TPCN1: variants seen among roughly 807,000 people sequenced by gnomAD.
The protein encoded by TPCN1 is two pore channel protein 1.
TPCN1 carries 52 observed loss-of-function variants against 108.8 expected under a neutral mutation model. The ratio of observed to expected loss-of-function variants is 0.48; its 90% CI spans 0.38 to 0.60. The LOEUF is 0.60. Among genes scored for constraint, TPCN1 ranks in the 20% least tolerant of loss-of-function variants. TPCN1 has a pLI of 0.00. For missense variants in TPCN1, 806 were observed against 1,072.8 expected (o/e 0.75, Z 3.47); for synonymous variants, 446 against 433.7 (o/e 1.03, Z -0.35).
chr12:113,285,487 C>T (rs1211883482), intron 17 of TPCN1, among the ~76,000 whole-genome samples: 1 of 152,184 alleles, frequency 6.6e-6, no homozygotes, highest in Admixed American at 6.5e-5. Context: ...CCCGAGTAGC[C>T]TCAGCCTCCC....
chr12:113,239,250 G>C (rs1175510642), intron 2 of TPCN1, among the ~76,000 whole-genome samples: 3 of 152,206 alleles, frequency 2.0e-5, no homozygotes, highest in African/African-American at 7.2e-5. Context: ...GCATCAAGCA[G>C]GGTTTTGTGA....
At chr12:113,293,465 C>T in intron 27 of TPCN1, 116 bp downstream of exon 27, 1 of 1,006,296 alleles carries the variant, frequency 9.9e-7, no homozygotes, top group Non-Finnish European at 1.6e-6. Context: ...GAGATGCAGA[C>T]CGTCCATCGG....
intron 2 of TPCN1, among the ~76,000 whole-genome samples, chr12:113,230,171 C>G (rs1953632720): frequency 6.6e-6 from 1 of 152,096 alleles, no homozygotes; most frequent in South Asian, 2.1e-4. Context: ...TTACTCACTA[C>G]CCTTTTCTGC....
chr12:113,249,504 C>T (rs1363177351), intron 2 of TPCN1: 1 of 152,224 alleles, frequency 6.6e-6, no homozygotes, highest in African/African-American at 2.4e-5. Flanking sequence ...CCTCAGTTTC[C>T]CCATCTCTAA....
intron 10 of TPCN1, among the ~76,000 whole-genome samples, chr12:113,275,374 A>G (rs1955636592): frequency 2.0e-5 from 3 of 151,594 alleles, no homozygotes; most frequent in South Asian, 4.2e-4. Context: ...AGTAGCTGGG[A>G]CTACAGGCAC....
At chr12:113,223,034 A>G (rs1168967009) in intron 1 of TPCN1, among the ~76,000 whole-genome samples, 4 of 152,212 alleles carry the variant, frequency 2.6e-5, no homozygotes, top group African/African-American at 9.7e-5. Flanking sequence ...CGACAATACA[A>G]CCATAATTCT....
At chr12:113,280,235 T>A in intron 15 of TPCN1, 40 bp downstream of exon 15, 1 of 1,559,844 alleles carries the variant, frequency 6.4e-7, no homozygotes, top group Non-Finnish European at 8.8e-7. Context: ...ACTTTCCCCC[T>A]GAGTCCTTTG....
At chr12:113,287,212 A>G (rs1956113058) in intron 19 of TPCN1, 118 bp downstream of exon 19, 1 of 812,082 alleles carries the variant, frequency 1.2e-6, no homozygotes. Context: ...AGAGTCACAG[A>G]TGTCACCCCC....
intron 2 of TPCN1, chr12:113,244,139 C>T: frequency 9.1e-6 from 2 of 220,930 alleles, no homozygotes; most frequent in Non-Finnish European, 1.5e-5. Context: ...AGGTCCCTTT[C>T]AGGTGGCCGG....
At chr12:113,247,600 C>T (rs917807550) in intron 2 of TPCN1, among the ~76,000 whole-genome samples, 1 of 152,228 alleles carries the variant, frequency 6.6e-6, no homozygotes, top group African/African-American at 2.4e-5. Context: ...CAGCCCCACC[C>T]GGCCCCTGCC....
intron 2 of TPCN1, among the ~76,000 whole-genome samples, chr12:113,248,571 G>C (rs750441426): frequency 5.9e-5 from 9 of 152,354 alleles, no homozygotes; most frequent in Admixed American, 2.6e-4. Context: ...GTGTGACAAA[G>C]CAGCCAAAGA....
rs534531325 is a variant in TPCN1 at position 113,251,268 on chromosome 12, T to C, written c.113-9100T>C. Among the ~76,000 whole-genome samples, 104 of 152,314 alleles carry C rather than the reference T, an allele frequency of 6.8e-4. 1 individual carries two copies. The highest frequency in any genetic ancestry group is 1.3e-3 in the Non-Finnish European group (91 of 68,022). On this transcript the variant is annotated intron_variant, in intron 2 of 27. Coordinates refer to ENST00000335509, the MANE Select transcript of TPCN1 (RefSeq NM_017901.6). ...GTGAGCCATGATAGTGCCACTGCAC[T>C]ACAGCCTGGGCTCAATAAAAAGAAT...
chr12:113,238,622 G>C (rs1395435804), intron 2 of TPCN1, among the ~76,000 whole-genome samples: 1 of 152,190 alleles, frequency 6.6e-6, no homozygotes, highest in Non-Finnish European at 1.5e-5. Context: ...TGAAGGCCTT[G>C]AGAGCCTTCC....
chr12:113,228,020 T>C (rs1351446857), intron 2 of TPCN1, among the ~76,000 whole-genome samples: 2 of 152,180 alleles, frequency 1.3e-5, no homozygotes, highest in Non-Finnish European at 2.9e-5. Context: ...ATAAACTTGA[T>C]TTTTCCCCAA....
In TPCN1 at chr12:113,289,294, T is replaced by C. The variant is rs143628746; in HGVS notation, c.1796+447T>C. Among the ~76,000 whole-genome samples, 632 of 152,374 alleles carry C rather than the reference T, an allele frequency of 4.1e-3. 7 individuals are homozygous for C. The Middle Eastern group carries it at 0.065, about 16-fold the overall frequency. On this transcript the variant is annotated intron_variant, in intron 21 of 27. Transcript: ENST00000335509. This position sits in a 1 kb window ranked among gnomAD's most constrained non-coding sequence, Gnocchi z 4.1. ...AGTGAAATCTCCCATGAGCACTCCC[T>C]TTCTCCTGAGCCGCCACAGTGAAAT...
At chr12:113,244,783 G>A in intron 2 of TPCN1, 14 of 983,562 alleles carry the variant, frequency 1.4e-5, no homozygotes, top group Non-Finnish European at 1.7e-5. Context: ...TGGGAGCACG[G>A]TTGGCACTGG....
chr12:113,243,522 G>C (rs1954230542), intron 2 of TPCN1, among the ~76,000 whole-genome samples: 1 of 152,240 alleles, frequency 6.6e-6, no homozygotes. Flanking sequence ...GGGAGGCCGA[G>C]GTGGGTGGAT....
rs1278843108 is a variant in TPCN1 at position 113,288,424 on chromosome 12, C to T, written c.1706+190C>T. On this transcript the variant is annotated intron_variant, in intron 20 of 27. Transcript: ENST00000335509. This position sits in a 1 kb window ranked among gnomAD's most constrained non-coding sequence, Gnocchi z 4.8. ...CCTGGGCACCATTTTTCTCCACTGA[C>T]CTGTCTGACATATTTAGTAGGGAGG... is the stretch of plus-strand genomic sequence containing the variant. 1 of 1,483,852 alleles carries T rather than the reference C, an allele frequency of 6.7e-7. No individual in the cohort carries two copies. The allele number at this position is 1,483,852 out of a possible 1,614,324, so 91.9% of individuals were successfully genotyped here. A position where few individuals can be genotyped will look rare whatever the true frequency, so the allele number is the denominator to read the frequency against.
rs1263199237 is a variant in TPCN1 at position 113,231,686 on chromosome 12, A to G, written c.112+4722A>G. On this transcript the variant is annotated intron_variant, in intron 2 of 27. Coordinates refer to ENST00000335509, the MANE Select transcript of TPCN1 (RefSeq NM_017901.6). This position sits in a 1 kb window ranked among gnomAD's most constrained non-coding sequence, Gnocchi z 4.3. ...GGAGGGTTTGGGTTTTTCTCCTTAT[A>G]TGGGCAATTGTGGATTTAATCCAAG... is the stretch of plus-strand genomic sequence containing the variant. Among the ~76,000 whole-genome samples the G allele has an allele frequency of 1.3e-5, 2 of 152,104 alleles. No homozygotes were observed. Among genetic ancestry groups the G allele is most frequent in the Non-Finnish European group, 2.9e-5 (2 of 68,026 alleles).
Sources: gnomAD v4.1 joint callset for allele counts (sites outside exome capture counted in the v4.1 genomes callset) on GRCh38, gnomAD v4.1.1 for gene constraint, Gnocchi (gnomAD v3.1) non-coding constraint, MANE v1.5 for transcripts, NCBI Gene and HGNC (gene_info 2026-07-23, HGNC 2026-07-21) for gene names.